LRP6: variants seen among roughly 807,000 people sequenced by gnomAD.
LRP6 encodes the protein LDL receptor related protein 6.
A neutral mutation model predicts 184.1 loss-of-function variants in LRP6; 43 were observed. That is an observed-to-expected ratio of 0.23 (90% CI 0.18 to 0.30). The LOEUF is 0.30. Ranked by LOEUF, LRP6 falls within the 10% of genes least tolerant of loss-of-function variation. The pLI, the probability that LRP6 is intolerant of heterozygous loss-of-function variation, is 1.00. For missense variants in LRP6, 1,571 were observed against 2,005.3 expected, an observed-to-expected ratio of 0.78 and a Z score of 4.14; for synonymous variants, 719 against 684.9, an observed-to-expected ratio of 1.05 and a Z score of -0.78.
chr12:12,132,102 G>A, intron 17 of LRP6, 45 bp from the exon 18 acceptor site: 1 of 1,260,900 alleles, frequency 7.9e-7, no homozygotes, highest in Non-Finnish European at 1.2e-6. Flanking sequence ...ACACAATCAT[G>A]GTCACACAGA....
intron 4 of LRP6, among the ~76,000 whole-genome samples, chr12:12,184,831 T>G (rs976566425): frequency 2.6e-5 from 4 of 152,092 alleles, no homozygotes; most frequent in African/African-American, 9.7e-5. Context: ...GAAAACTAAT[T>G]AGCAAACTTT....
intron 7 of LRP6, among the ~76,000 whole-genome samples, chr12:12,173,300 A>C (rs1049643172): frequency 1.3e-5 from 2 of 152,160 alleles, no homozygotes; most frequent in Admixed American, 6.5e-5. Flanking sequence ...ACAAGGGAAA[A>C]CTGCCCTCTC....
intron 18 of LRP6, among the ~76,000 whole-genome samples, chr12:12,131,247 A>G (rs1410867671): frequency 6.6e-6 from 1 of 151,958 alleles, no homozygotes; most frequent in Admixed American, 6.6e-5. Context: ...AGCTGGGACT[A>G]CAGGCGTCTG....
At chr12:12,183,634 T>C (rs1013397600) in intron 5 of LRP6, among the ~76,000 whole-genome samples, 1 of 152,132 alleles carries the variant, frequency 6.6e-6, no homozygotes, top group Admixed American at 6.5e-5. Flanking sequence ...TTCACAGAGG[T>C]TCTTTATTCA....
chr12:12,242,666 C>A (rs555430650), intron 2 of LRP6, among the ~76,000 whole-genome samples: 1 of 152,234 alleles, frequency 6.6e-6, no homozygotes, highest in African/African-American at 2.4e-5. Flanking sequence ...CTCCTCAGGA[C>A]ATCCAATCGT....
At chr12:12,189,084 A>G (rs1863550317) in intron 3 of LRP6, among the ~76,000 whole-genome samples, 1 of 152,252 alleles carries the variant, frequency 6.6e-6, no homozygotes, top group African/African-American at 2.4e-5. Flanking sequence ...ACTCTACTGA[A>G]CTAAACATAG....
chr12:12,184,654 G>A (rs1441816408), intron 4 of LRP6, among the ~76,000 whole-genome samples: 2 of 152,254 alleles, frequency 1.3e-5, no homozygotes, highest in Non-Finnish European at 1.5e-5. Context: ...TGGAGGTTAA[G>A]GTTTCTACTG....
intron 3 of LRP6, among the ~76,000 whole-genome samples, chr12:12,202,953 C>T (rs1383863041): frequency 3.3e-5 from 5 of 152,154 alleles, no homozygotes; most frequent in African/African-American, 1.2e-4. Context: ...GGTGGAGAAC[C>T]ACTGAAGAAC....
chr12:12,165,334 G>A (rs1448287790), intron 7 of LRP6, 39 bp from the exon 8 acceptor site: 2 of 1,386,832 alleles, frequency 1.4e-6, no homozygotes, highest in Admixed American at 1.7e-5. Context: ...GATGAATTAT[G>A]CATTTATTCT....
intron 7 of LRP6, among the ~76,000 whole-genome samples, chr12:12,173,607 A>G (rs1863101290): frequency 6.6e-6 from 1 of 152,078 alleles, no homozygotes; most frequent in Admixed American, 6.5e-5. Flanking sequence ...CCTCCCAAGT[A>G]GCTGGGACTC....
At chr12:12,124,448 A>C (rs1285559369) in intron 22 of LRP6, 117 bp downstream of exon 22, 1 of 754,492 alleles carries the variant, frequency 1.3e-6, no homozygotes, top group African/African-American at 1.7e-5. Context: ...CTATCAAGAT[A>C]AGATGACTAG....
At chr12:12,139,424 G>A (rs1304964159) in intron 15 of LRP6, among the ~76,000 whole-genome samples, 1 of 152,124 alleles carries the variant, frequency 6.6e-6, no homozygotes, top group South Asian at 2.1e-4. Flanking sequence ...TACTAATATG[G>A]TGATTGAAAA....
intron 2 of LRP6, among the ~76,000 whole-genome samples, chr12:12,224,300 T>C (rs1403581183): frequency 3.9e-5 from 6 of 152,184 alleles, no homozygotes; most frequent in African/African-American, 1.4e-4. Flanking sequence ...ATATATAACA[T>C]CTTACAAACA....
chr12:12,186,985 A>C lies in LRP6; in HGVS notation c.782T>G (p.Ile261Ser). The change falls in exon 4 of 23, where the codon ATC (isoleucine) becomes AGC (serine). Residue 261 changes from isoleucine to serine, a missense_variant. By Grantham distance (142) the Ile-to-Ser change is moderately radical. Around this residue, in one of 4 missense-constraint regions of LRP6, gnomAD observed 640 missense variants for 851.9 expected, o/e 0.75. Coordinates refer to ENST00000261349, the MANE Select transcript of LRP6 (RefSeq NM_002336.3). Reference protein sequence around the residue: ...NKYTGEGLREIHSDIFSPMDI... With the variant: ...NKYTGEGLRESHSDIFSPMDI... ...CATGGGAGAGAAGATGTCAGAATGG[A>C]TTTCACGCAGACCCTCACCAGTATA... 6.2e-7 allele frequency: 1 copy of C among 1,614,122 alleles called. No individual in the cohort carries two copies.
chr12:12,169,234 G>GATAATAATAATAATAATAATA (rs544964479), intron 7 of LRP6, among the ~76,000 whole-genome samples: 1 of 148,706 alleles, frequency 6.7e-6, no homozygotes, highest in South Asian at 2.1e-4. Flanking sequence ...GCCTCAAAAT[G>GATAATAATAATAATAATAATA]ATAATAATAA....
chr12:12,121,461 A>G, intron 22 of LRP6, 41 bp from the exon 23 acceptor site: 2 of 1,520,648 alleles, frequency 1.3e-6, no homozygotes, highest in Non-Finnish European at 9.1e-7. Flanking sequence ...TTAGTTTTAC[A>G]AAAAAAAATG....
At chr12:12,203,118 T>A in intron 3 of LRP6, 85 bp downstream of exon 3, 1 of 946,290 alleles carries the variant, frequency 1.1e-6, no homozygotes, top group Non-Finnish European at 1.6e-6. Context: ...AAAATAAACA[T>A]ATTTCTTAAT....
At chr12:12,162,551 A>T (rs1713853903) in intron 9 of LRP6, 132 bp from the exon 10 acceptor site, 1 of 737,644 alleles carries the variant, frequency 1.4e-6, no homozygotes, top group Admixed American at 2.1e-5. Flanking sequence ...TCCTATTAAA[A>T]TTCACATAAC....
chr12:12,157,995 G>C (rs941266945), intron 12 of LRP6, among the ~76,000 whole-genome samples: 3 of 152,162 alleles, frequency 2.0e-5, no homozygotes, highest in Non-Finnish European at 4.4e-5. Context: ...AAAAAATCTA[G>C]ATTCAGGACC....
Sources: allele counts gnomAD v4.1 joint callset (sites outside exome capture counted in the v4.1 genomes callset), GRCh38; gene constraint gnomAD v4.1.1; regional missense constraint gnomAD v4.1.1; transcripts MANE v1.5; gene names NCBI Gene and HGNC (gene_info 2026-07-23, HGNC 2026-07-21).